Variants in BNC2 observed in about 807,000 individuals in gnomAD.
The protein encoded by BNC2 is zinc finger protein basonuclin-2.
A neutral mutation model predicts 76.3 loss-of-function variants in BNC2; 20 were observed. The observed-to-expected ratio is 0.26, with a 90% CI of 0.18 to 0.38. BNC2 has a LOEUF of 0.38. BNC2 is among the 10% of genes least tolerant of loss of function. BNC2 has a pLI of 1.00. For synonymous variants in BNC2, 582 were observed against 514.8 expected (o/e 1.13, Z -1.77); for missense variants, 1,382 against 1,399.8 (o/e 0.99, Z 0.20).
intron 3 of BNC2, among the ~76,000 whole-genome samples, chr9:16,641,525 G>A (rs1821491794): frequency 6.6e-6 from 1 of 152,152 alleles, no homozygotes; most frequent in South Asian, 2.1e-4. Context: ...TTTCCTGATT[G>A]TTTAGTCTAA....
At chr9:16,627,848 C>T (rs1821043049) in intron 3 of BNC2, among the ~76,000 whole-genome samples, 1 of 152,130 alleles carries the variant, frequency 6.6e-6, no homozygotes, top group Non-Finnish European at 1.5e-5. Flanking sequence ...GATCATAATA[C>T]TTTGCAGAAA....
intron 1 of BNC2, among the ~76,000 whole-genome samples, chr9:16,858,042 T>C (rs796464454): frequency 7.9e-5 from 12 of 152,314 alleles, no homozygotes; most frequent in African/African-American, 2.9e-4. Flanking sequence ...TTGAACATGG[T>C]TATTTATATA....
intron 1 of BNC2, among the ~76,000 whole-genome samples, chr9:16,786,590 C>T (rs148906699): frequency 1.3e-5 from 2 of 152,210 alleles, no homozygotes; most frequent in Admixed American, 6.5e-5. Flanking sequence ...TTTTCTGTCC[C>T]GGATACCATA....
chr9:16,629,731 T>C lies in BNC2; in HGVS notation c.331-46646A>G, dbSNP rs758230302. On this transcript the variant is annotated intron_variant, in intron 3 of 6. Coordinates refer to ENST00000380672, the MANE Select transcript of BNC2 (RefSeq NM_017637.6). The stretch of plus-strand genomic sequence containing the variant: ...ATGCTGTAGTCTATTAAGTGTGCAA[T>C]AGCATTATGTCTAAAAAAAACAGCA... 4.9e-4 allele frequency among the ~76,000 whole-genome samples: 75 copies of C among 152,204 alleles called. 1 individual carries two copies. Among genetic ancestry groups the C allele is most frequent in the Admixed American group, 4.3e-3 (65 of 15,278 alleles).
chr9:16,796,581 A>G lies in BNC2; in HGVS notation c.4-58096T>C, dbSNP rs982562984. On this transcript the variant is annotated intron_variant, in intron 1 of 6. Coordinates refer to ENST00000380672, the MANE Select transcript of BNC2 (RefSeq NM_017637.6). Reference sequence around the variant, plus strand: ...AGTGAGACTCCGTCTCAAAAAAAAAAGAAAGAAAAGGAAAGGAAGGGAAGG... The same window carrying G: ...AGTGAGACTCCGTCTCAAAAAAAAAGGAAAGAAAAGGAAAGGAAGGGAAGG... Among the ~76,000 whole-genome samples the G allele has an allele frequency of 6.2e-5, 8 of 130,040 alleles. No homozygotes were observed. In the South Asian group the frequency reaches 6.8e-4, roughly 11 times the overall value. 85.3% of individuals were successfully genotyped at this position (130,040 alleles called of 152,430 possible).
chr9:16,823,291 C>A (rs1818381838), intron 1 of BNC2, among the ~76,000 whole-genome samples: 1 of 151,924 alleles, frequency 6.6e-6, no homozygotes, highest in African/African-American at 2.4e-5. Context: ...TAAAATAGTT[C>A]TATAGTGACA....
chr9:16,844,493 C>CTTTTTTTT, intron 1 of BNC2, among the ~76,000 whole-genome samples: 1 of 103,368 alleles, frequency 9.7e-6, no homozygotes, highest in Non-Finnish European at 1.9e-5. Flanking sequence ...TTTTTCTTTT[C>CTTTTTTTT]TTTTTTTTTT....
intron 1 of BNC2, among the ~76,000 whole-genome samples, chr9:16,808,125 G>C (rs1227953756): frequency 6.6e-6 from 1 of 152,084 alleles, no homozygotes; most frequent in Non-Finnish European, 1.5e-5. Context: ...CAAAATTTCA[G>C]AGTATGTTTC....
intron 1 of BNC2, among the ~76,000 whole-genome samples, chr9:16,806,109 A>G (rs1211521466): frequency 6.6e-6 from 1 of 152,232 alleles, no homozygotes; most frequent in Non-Finnish European, 1.5e-5. Flanking sequence ...GATTAAACAG[A>G]TATTAAATCA....
At chr9:16,758,465 G>A in intron 1 of BNC2, among the ~76,000 whole-genome samples, 1 of 152,006 alleles carries the variant, frequency 6.6e-6, no homozygotes, top group East Asian at 1.9e-4. Flanking sequence ...CAAGTAGCTG[G>A]GACTACAGGT....
intron 5 of BNC2, among the ~76,000 whole-genome samples, chr9:16,476,568 T>TAAA (rs1221904525): frequency 1.4e-5 from 2 of 137,974 alleles, no homozygotes. Context: ...TTGTTTTTTT[T>TAAA]AAAAAAAAAA....
chr9:16,528,986 G>C (rs903180456), intron 5 of BNC2, among the ~76,000 whole-genome samples: 15 of 152,164 alleles, frequency 9.9e-5, no homozygotes, highest in Non-Finnish European at 2.2e-4. Context: ...CCACTCAGAG[G>C]CTCTGGGAAA....
chr9:16,833,371 T>C (rs1401544334), intron 1 of BNC2, among the ~76,000 whole-genome samples: 1 of 152,210 alleles, frequency 6.6e-6, no homozygotes, highest in Non-Finnish European at 1.5e-5. Context: ...ACTTTGAGTC[T>C]GAACTCCATT....
chr9:16,486,746 G>C (rs1040357942), intron 5 of BNC2, among the ~76,000 whole-genome samples: 2 of 151,804 alleles, frequency 1.3e-5, no homozygotes, highest in African/African-American at 4.8e-5. Flanking sequence ...TTTTGGTAGA[G>C]ACAGGGTCTC....
At chr9:16,869,725 C>G (rs1002691331) in intron 1 of BNC2, among the ~76,000 whole-genome samples, 11 of 152,184 alleles carry the variant, frequency 7.2e-5, no homozygotes, top group African/African-American at 2.7e-4. Context: ...ACCAGGCGAA[C>G]TAATTGCACG....
chr9:16,437,148 C>T lies in BNC2; in HGVS notation c.1046G>A (p.Gly349Glu), dbSNP rs760334910. The T allele has an allele frequency of 1.9e-5, 31 of 1,613,994 alleles. No homozygotes were observed. The Admixed American group carries it at 4.8e-4, about 25-fold the overall frequency. Residue 349 changes from glycine (G) to glutamate (E), a missense_variant, in exon 6 of 7, where the codon GGG (glycine) becomes GAG (glutamate). Physicochemically the swap from Gly to Glu is moderately conservative, Grantham distance 98 (BLOSUM62 -2). Transcript: ENST00000380672. ...PPNGLLLEQP[G>E]LRLREPSLST... is the part of the protein sequence containing the mutation. ...AAGGCTGGGTTCCCGCAGCCTCAAC[C>T]CTGGTTGCTCTAACAGTAGCCCATT...
intron 3 of BNC2, among the ~76,000 whole-genome samples, chr9:16,699,553 C>A (rs1823446397): frequency 1.3e-5 from 2 of 152,110 alleles, no homozygotes; most frequent in African/African-American, 2.4e-5. Flanking sequence ...GTACATGATG[C>A]AAGTATAAAG....
At chr9:16,421,656 C>T (rs1002262428) in intron 6 of BNC2, among the ~76,000 whole-genome samples, 14 of 152,164 alleles carry the variant, frequency 9.2e-5, no homozygotes, top group Non-Finnish European at 1.5e-5. Context: ...CACAGTAATT[C>T]CCCGTTTCCT....
intron 1 of BNC2, among the ~76,000 whole-genome samples, chr9:16,865,885 G>A (rs1358255250): frequency 6.6e-6 from 1 of 152,098 alleles, no homozygotes; most frequent in East Asian, 1.9e-4. Flanking sequence ...CAAAACAAGG[G>A]AGGCTCTTTG....
Sources: gnomAD v4.1 joint callset for allele counts (sites outside exome capture counted in the v4.1 genomes callset) on GRCh38, gnomAD v4.1.1 for gene constraint, MANE v1.5 for transcripts, NCBI Gene and HGNC (gene_info 2026-07-23, HGNC 2026-07-21) for gene names.